MAGI2: variants seen among roughly 807,000 people sequenced by gnomAD.
The protein encoded by MAGI2 is membrane-associated guanylate kinase, WW and PDZ domain-containing protein 2.
A neutral mutation model predicts 133.3 loss-of-function variants in MAGI2; 35 were observed. The ratio of observed to expected loss-of-function variants is 0.26; its 90% confidence interval spans 0.20 to 0.35. The LOEUF (loss-of-function observed/expected upper bound fraction) is 0.35. Among genes scored for constraint, MAGI2 ranks in the 10% least tolerant of loss-of-function variants. MAGI2 has a pLI of 1.00. For synonymous variants in MAGI2, 729 were observed against 710.6 expected (o/e 1.03, Z -0.41); for missense variants, 1,636 against 1,863.4 (o/e 0.88, Z 2.25).
chr7:79,192,479 A>G (rs1827759842), intron 1 of MAGI2, among the ~76,000 whole-genome samples: 1 of 151,902 alleles, frequency 6.6e-6, no homozygotes. Context: ...AAAAACTACA[A>G]GAAGGGACTG....
intron 2 of MAGI2, among the ~76,000 whole-genome samples, chr7:78,765,101 T>G (rs577095887): frequency 7.6e-4 from 115 of 152,252 alleles, no homozygotes; most frequent in African/African-American, 2.6e-3. Context: ...GTAAATTTCT[T>G]TTTTGAAATA....
intron 10 of MAGI2, among the ~76,000 whole-genome samples, chr7:78,220,106 C>T (rs943032450): frequency 1.3e-5 from 2 of 152,160 alleles, no homozygotes; most frequent in Admixed American, 6.5e-5. Flanking sequence ...TACAAAGTTC[C>T]ACCTCAGAGC....
intron 1 of MAGI2, among the ~76,000 whole-genome samples, chr7:79,171,755 TA>T: frequency 3.1e-5 from 1 of 31,872 alleles, no homozygotes; most frequent in Non-Finnish European, 9.9e-5. Flanking sequence ...TATATATATA[TA>T]TATATATATA....
intron 21 of MAGI2, among the ~76,000 whole-genome samples, chr7:78,076,454 C>CAAAAA (rs55957020): frequency 1.1e-5 from 1 of 90,408 alleles, no homozygotes; most frequent in Non-Finnish European, 2.1e-5. Flanking sequence ...GACCTTGTTT[C>CAAAAA]AAAAAAAAAA....
chr7:79,357,802 C>T (rs1842122577), intron 1 of MAGI2, among the ~76,000 whole-genome samples: 1 of 152,158 alleles, frequency 6.6e-6, no homozygotes. Context: ...CATATGCCAT[C>T]TAACCTCTTT....
At chr7:78,028,965 A>C (rs1387322597) in intron 21 of MAGI2, among the ~76,000 whole-genome samples, 1 of 152,170 alleles carries the variant, frequency 6.6e-6, no homozygotes, top group Non-Finnish European at 1.5e-5. Context: ...GTAAGTGAGA[A>C]TCAGGATAAC....
chr7:78,313,920 T>C (rs1798938677), intron 9 of MAGI2, among the ~76,000 whole-genome samples: 1 of 152,106 alleles, frequency 6.6e-6, no homozygotes, highest in Non-Finnish European at 1.5e-5. Context: ...TGAGTTAAAG[T>C]TATGGGTGCC....
intron 9 of MAGI2, among the ~76,000 whole-genome samples, chr7:78,300,572 T>C (rs555063535): frequency 3.3e-5 from 5 of 152,274 alleles, no homozygotes; most frequent in African/African-American, 1.2e-4. Flanking sequence ...CATTCACAGA[T>C]AGAAATCAAT....
At chr7:79,186,761 A>ACAAAAG (rs1827196752) in intron 1 of MAGI2, among the ~76,000 whole-genome samples, 1 of 102,908 alleles carries the variant, frequency 9.7e-6, no homozygotes, top group African/African-American at 3.5e-5. Flanking sequence ...GTATATATAT[A>ACAAAAG]TATATATATA....
intron 6 of MAGI2, among the ~76,000 whole-genome samples, chr7:78,441,976 G>C (rs980094039): frequency 3.9e-5 from 6 of 152,044 alleles, no homozygotes; most frequent in African/African-American, 1.4e-4. Context: ...CCAGCTCCTA[G>C]CCCAGCTGCA....
chr7:78,059,740 C>A (rs1375944205), intron 21 of MAGI2, among the ~76,000 whole-genome samples: 1 of 150,090 alleles, frequency 6.7e-6, no homozygotes, highest in Non-Finnish European at 1.5e-5. Context: ...ATGGAGAGCT[C>A]CTCGAGGGAG....
intron 1 of MAGI2, among the ~76,000 whole-genome samples, chr7:79,022,526 CA>C: frequency 6.6e-6 from 1 of 151,452 alleles, no homozygotes; most frequent in Admixed American, 6.6e-5. Flanking sequence ...TAACCAAAAT[CA>C]GAACTGAAAT....
chr7:78,645,642 T>C (rs1359723757), intron 2 of MAGI2, among the ~76,000 whole-genome samples: 4 of 78,066 alleles, frequency 5.1e-5, no homozygotes, highest in Non-Finnish European at 1.1e-4. Context: ...ATAAGTGTGG[T>C]GTGTGTGTGT....
At position 78,680,174 on chromosome 7, in the gene MAGI2, G is replaced by A. The variant is rs151026476; in HGVS notation, c.419-52935C>T. On this transcript the variant is annotated intron_variant, in intron 2 of 21. Coordinates refer to ENST00000354212, the MANE Select transcript of MAGI2 (RefSeq NM_012301.4). ...CACACAGCCTCTGAAAAATAATGACGTGCTTACAATTCCCCAGGTCCTTTT... is the reference window on the plus strand; with the variant it reads ...CACACAGCCTCTGAAAAATAATGACATGCTTACAATTCCCCAGGTCCTTTT... Among the ~76,000 whole-genome samples the A allele has an allele frequency of 1.6e-4, 24 of 152,154 alleles. No individual in the cohort carries two copies. In the East Asian group the frequency reaches 2.5e-3, roughly 16 times the overall value.
At chr7:79,044,069 T>C (rs1811945394) in intron 1 of MAGI2, among the ~76,000 whole-genome samples, 1 of 152,088 alleles carries the variant, frequency 6.6e-6, no homozygotes, top group Non-Finnish European at 1.5e-5. Flanking sequence ...GCTCCCTAAC[T>C]CATTCCATGA....
rs1441684146 is a variant in MAGI2, at chr7:79,370,768, A to C, written c.301+82252T>G. Among the ~76,000 whole-genome samples, 4 of 152,208 alleles carry C rather than the reference A, an allele frequency of 2.6e-5. No individual in the cohort carries two copies. In the East Asian group the frequency reaches 7.7e-4, roughly 29 times the overall value. ...GCTTGAGCCTTAACAGAATAACCCA[A>C]TCTTCACGCTATTGCCTCAAATTAG... is the stretch of plus-strand genomic sequence containing the variant. On this transcript the variant is annotated intron_variant, in intron 1 of 21. Coordinates refer to ENST00000354212, the MANE Select transcript of MAGI2 (RefSeq NM_012301.4).
intron 1 of MAGI2, among the ~76,000 whole-genome samples, chr7:79,231,970 C>G (rs887090502): frequency 6.6e-6 from 1 of 152,156 alleles, no homozygotes; most frequent in African/African-American, 2.4e-5. Flanking sequence ...TACGTCCCAT[C>G]GATACCTAAT....
rs757246094 is a variant in MAGI2 at position 78,879,398 on chromosome 7, G to T, written c.418+127692C>A. On this transcript the variant is annotated intron_variant, in intron 2 of 21. Coordinates refer to ENST00000354212, the MANE Select transcript of MAGI2 (RefSeq NM_012301.4). ...GCCTCTCTGGCTCTTACCCATCAGT[G>T]CAATCTACTGGCCTGTAGGTTGAAC... Among the ~76,000 whole-genome samples, 5 of 152,208 alleles carry T rather than the reference G, an allele frequency of 3.3e-5. No individual in the cohort carries two copies. The South Asian group carries it at 1.0e-3, about 32-fold the overall frequency.
chr7:78,218,278 G>C (rs554560182), intron 10 of MAGI2, among the ~76,000 whole-genome samples: 2 of 152,354 alleles, frequency 1.3e-5, no homozygotes, highest in South Asian at 4.1e-4. Flanking sequence ...TGCCTTTGCA[G>C]ATGTACATAC....
Sources: allele counts gnomAD v4.1 joint callset (sites outside exome capture counted in the v4.1 genomes callset), GRCh38; gene constraint gnomAD v4.1.1; transcripts MANE v1.5; gene names NCBI Gene and HGNC (gene_info 2026-07-23, HGNC 2026-07-21).